MAML3: variants seen among roughly 807,000 people sequenced by gnomAD.
The protein encoded by MAML3 is mastermind like transcriptional coactivator 3.
Under a neutral mutation model 101.9 loss-of-function variants are expected in MAML3, and 27 were observed. The observed-to-expected ratio is 0.27, with a 90% CI of 0.20 to 0.37. The LOEUF (loss-of-function observed/expected upper bound fraction) is 0.37. MAML3 is among the 10% of genes least tolerant of loss of function. MAML3 has a pLI of 1.00. For synonymous variants in MAML3, 501 were observed against 555.9 expected, an observed-to-expected ratio of 0.90 and a Z score of 1.39; for missense variants, 1,316 against 1,444.9, an observed-to-expected ratio of 0.91 and a Z score of 1.45.
chr4:139,941,041 A>G (rs1733587417), intron 1 of MAML3, among the ~76,000 whole-genome samples: 5 of 152,228 alleles, frequency 3.3e-5, no homozygotes, highest in Admixed American at 3.3e-4. Context: ...ATAAATTAAA[A>G]TGTTCAAATG....
At chr4:140,128,986 G>A (rs767287302) in intron 1 of MAML3, among the ~76,000 whole-genome samples, 8 of 152,050 alleles carry the variant, frequency 5.3e-5, no homozygotes, top group Non-Finnish European at 1.0e-4. Context: ...ACATCGAGAG[G>A]TCATCAGAGT....
chr4:140,092,508 G>A (rs966770501), intron 1 of MAML3, among the ~76,000 whole-genome samples: 2 of 151,938 alleles, frequency 1.3e-5, no homozygotes, highest in Non-Finnish European at 2.9e-5. Context: ...CAAACGGCGC[G>A]GCCGCTCCTG....
chr4:140,130,808 A>G (rs1161027601), intron 1 of MAML3, among the ~76,000 whole-genome samples: 2 of 152,164 alleles, frequency 1.3e-5, no homozygotes, highest in Non-Finnish European at 2.9e-5. Flanking sequence ...TTCATTCAAG[A>G]AACATTTATT....
intron 1 of MAML3, among the ~76,000 whole-genome samples, chr4:140,150,706 T>C (rs558395264): frequency 2.6e-5 from 4 of 152,042 alleles, no homozygotes; most frequent in African/African-American, 9.6e-5. Context: ...TCTTAAATTC[T>C]CAGTCTCAGG....
intron 1 of MAML3, among the ~76,000 whole-genome samples, chr4:140,042,548 C>T (rs547645380): frequency 2.0e-5 from 3 of 152,038 alleles, no homozygotes; most frequent in East Asian, 1.9e-4. Flanking sequence ...GCAGAAAAAT[C>T]GCTTGAACCC....
intron 1 of MAML3, among the ~76,000 whole-genome samples, chr4:139,941,722 T>C (rs1022173960): frequency 6.6e-6 from 1 of 152,214 alleles, no homozygotes; most frequent in African/African-American, 2.4e-5. Flanking sequence ...TAAACCTTGT[T>C]AGGAGCAAGA....
At chr4:139,763,413 A>G (rs10021952) in intron 2 of MAML3, among the ~76,000 whole-genome samples, 119,180 of 152,008 alleles carry the variant, frequency 0.78, 47,003 homozygotes, top group South Asian at 0.86. Context: ...CTGTTTAAGC[A>G]ACGAGAAGTA....
intron 1 of MAML3, among the ~76,000 whole-genome samples, chr4:139,891,868 CACA>C (rs1480674552): frequency 2.6e-5 from 4 of 152,188 alleles, no homozygotes; most frequent in African/African-American, 7.2e-5. Context: ...CACCGGTTTC[CACA>C]ACATCACACT....
intron 1 of MAML3, among the ~76,000 whole-genome samples, chr4:139,998,370 C>T (rs1044239392): frequency 6.6e-6 from 1 of 151,924 alleles, no homozygotes; most frequent in African/African-American, 2.4e-5. Context: ...TTTCTGTTTT[C>T]TTATTAAGAT....
chr4:139,882,928 G>A (rs947240155), intron 2 of MAML3, among the ~76,000 whole-genome samples: 1 of 152,178 alleles, frequency 6.6e-6, no homozygotes, highest in African/African-American at 2.4e-5. Context: ...TTAATCAAAT[G>A]TAAGGATAAA....
intron 2 of MAML3, chr4:139,889,152 G>C (rs757196701): frequency 1.0e-6 from 1 of 961,906 alleles, no homozygotes; most frequent in African/African-American, 1.6e-5. Context: ...TGAAATACAC[G>C]AAAGTTTATC....
At chr4:139,959,948 T>C (rs1336150984) in intron 1 of MAML3, among the ~76,000 whole-genome samples, 1 of 152,184 alleles carries the variant, frequency 6.6e-6, no homozygotes, top group Non-Finnish European at 1.5e-5. Flanking sequence ...TCATGTTCTA[T>C]ACCCTACCCT....
At chr4:139,969,179 G>A (rs1283496406) in intron 1 of MAML3, among the ~76,000 whole-genome samples, 1 of 151,624 alleles carries the variant, frequency 6.6e-6, no homozygotes, top group Non-Finnish European at 1.5e-5. Flanking sequence ...GGGAAGGTTT[G>A]CAGTCTCCTT....
chr4:139,829,340 T>A (rs920989601), intron 2 of MAML3, among the ~76,000 whole-genome samples: 1 of 152,150 alleles, frequency 6.6e-6, no homozygotes, highest in Non-Finnish European at 1.5e-5. Flanking sequence ...GACTGAGGAC[T>A]AGTAGAAGTT....
At chr4:139,723,921 A>G (rs1728362780) in intron 4 of MAML3, among the ~76,000 whole-genome samples, 1 of 152,208 alleles carries the variant, frequency 6.6e-6, no homozygotes, top group Non-Finnish European at 1.5e-5. Context: ...AACACTGTGT[A>G]TGTTTTAACA....
In MAML3 at chr4:139,717,263, C is replaced by CCTGT. The variant is rs947477320; in HGVS notation, c.*2056_*2059dup. The CCTGT allele has an allele frequency of 6.6e-6, 1 of 152,600 alleles. No homozygotes were observed. Among genetic ancestry groups the CCTGT allele is most frequent in the African/African-American group, 2.4e-5 (1 of 41,432 alleles). The allele number at this position is 152,600 out of a possible 1,614,324, so 9.5% of individuals were successfully genotyped here. A position where few individuals can be genotyped will look rare whatever the true frequency, so the allele number is the denominator to read the frequency against. On this transcript the variant is annotated 3_prime_UTR_variant, in exon 5 of 5. Transcript: ENST00000509479. Reference sequence around the variant, plus strand: ...TTAAAAGATAATGGAGCCCCCCACCCCTGTCTGTCTCACTTCCATTAGCCA... The same window carrying CCTGT: ...TTAAAAGATAATGGAGCCCCCCACCCCTGTCTGTCTGTCTCACTTCCATTAGCCA...
intron 1 of MAML3, among the ~76,000 whole-genome samples, chr4:140,010,506 A>T (rs1302253635): frequency 1.3e-5 from 2 of 152,172 alleles, no homozygotes; most frequent in Non-Finnish European, 2.9e-5. Context: ...AAACAATTTA[A>T]AAATTAGAAC....
chr4:139,938,278 C>G (rs1012834067), intron 1 of MAML3, among the ~76,000 whole-genome samples: 1 of 152,198 alleles, frequency 6.6e-6, no homozygotes, highest in African/African-American at 2.4e-5. Context: ...CTCAAGCGCA[C>G]AGAGTATCCT....
intron 2 of MAML3, among the ~76,000 whole-genome samples, chr4:139,866,799 G>C (rs376380766): frequency 1.3e-5 from 2 of 152,182 alleles, no homozygotes; most frequent in Non-Finnish European, 2.9e-5. Context: ...TTCAAGGTCA[G>C]AGAATGATAT....
Sources: allele counts gnomAD v4.1 joint callset (sites outside exome capture counted in the v4.1 genomes callset), GRCh38; gene constraint gnomAD v4.1.1; transcripts MANE v1.5; gene names NCBI Gene and HGNC (gene_info 2026-07-23, HGNC 2026-07-21).